Variants in AXIN1 observed in about 807,000 individuals in gnomAD.
AXIN1 encodes the protein axin 1.
In AXIN1, 30 loss-of-function variants were observed where a neutral mutation model predicts 76.4. The ratio of observed to expected loss-of-function variants is 0.39; its 90% CI spans 0.29 to 0.53. The LOEUF is 0.53. Among genes scored for constraint, AXIN1 ranks in the 20% least tolerant of loss-of-function variants. The pLI is 0.66. For synonymous variants in AXIN1, 545 were observed against 501.4 expected (o/e 1.09, Z -1.16); for missense variants, 1,140 against 1,198.8 (o/e 0.95, Z 0.72).
chr16:321,479 T>C (rs534451287), intron 2 of AXIN1, among the ~76,000 whole-genome samples: 9 of 152,390 alleles, frequency 5.9e-5, no homozygotes, highest in Admixed American at 2.0e-4. Flanking sequence ...AAAATAATTA[T>C]AGCCATTTTG....
chr16:314,951 C>T (rs2141595886), intron 2 of AXIN1, among the ~76,000 whole-genome samples: 1 of 152,290 alleles, frequency 6.6e-6, no homozygotes, highest in South Asian at 2.1e-4. Flanking sequence ...CACAGAGCAT[C>T]CACACGTGAT....
chr16:338,450 C>T (rs929874192), intron 2 of AXIN1, among the ~76,000 whole-genome samples: 7 of 152,366 alleles, frequency 4.6e-5, no homozygotes, highest in African/African-American at 1.7e-4. Context: ...ACCCACACAG[C>T]TCAGGACTGA....
At chr16:303,124 A>G (rs1376977963) in intron 5 of AXIN1, among the ~76,000 whole-genome samples, 1 of 152,044 alleles carries the variant, frequency 6.6e-6, no homozygotes, top group Non-Finnish European at 1.5e-5. Flanking sequence ...AGCCTCCCAT[A>G]GTGTTGGGGT....
chr16:300,522 C>T (rs2052841250), intron 5 of AXIN1, among the ~76,000 whole-genome samples: 1 of 152,106 alleles, frequency 6.6e-6, no homozygotes, highest in South Asian at 2.1e-4. Flanking sequence ...TTAATATAAA[C>T]AAACCTCCCA....
At chr16:288,669 G>A (rs1477836928) in intron 10 of AXIN1, among the ~76,000 whole-genome samples, 3 of 152,320 alleles carry the variant, frequency 2.0e-5, no homozygotes, top group Non-Finnish European at 2.9e-5. Flanking sequence ...GGAACCACCC[G>A]CCAGGCTCTG....
Position 297,166 on chromosome 16 carries a change from G to C in AXIN1, c.1845C>G (p.Ala615=). Residue 615 remains alanine, a synonymous_variant, in exon 7 of 11, where the codon GCC becomes GCG. Transcript: ENST00000262320. ...CCGAGGCACCTGGCACCTCGGTGCT[G>C]GCGCTCTTCCCCGACTCAGCCTTCT... ...NAKKAESGKS[A]STEVPGASED... 1 of 1,611,906 alleles carries C rather than the reference G, an allele frequency of 6.2e-7. No individual in the cohort carries two copies. Among genetic ancestry groups the C allele is most frequent in the Non-Finnish European group, 8.5e-7 (1 of 1,179,954 alleles).
chr16:320,743 A>ATATATTTTTTTTT (rs397722732), intron 2 of AXIN1, among the ~76,000 whole-genome samples: 34 of 107,624 alleles, frequency 3.2e-4, no homozygotes, highest in African/African-American at 1.4e-3. Flanking sequence ...ATATATATAT[A>ATATATTTTTTTTT]TTTTTTTTTT....
chr16:320,796 G>A (rs369150744), intron 2 of AXIN1, among the ~76,000 whole-genome samples: 139 of 70,058 alleles, frequency 2.0e-3, no homozygotes, highest in South Asian at 0.019. Flanking sequence ...CTGGAGTGCA[G>A]TGGCGCGATC....
chr16:346,752 G>C lies in AXIN1; in HGVS notation c.274C>G (p.Leu92Val), dbSNP rs2141706547. The C allele has an allele frequency of 6.2e-7, 1 of 1,603,590 alleles. No homozygotes were observed. The highest frequency in any genetic ancestry group is 8.5e-7 in the Non-Finnish European group (1 of 1,172,806). Residue 92 changes from leucine to valine, a missense_variant, in exon 2 of 11, where the codon CTG (leucine) becomes GTG (valine). Leu to Val is a conservative substitution (Grantham distance 32, BLOSUM62 1). Transcript: ENST00000262320. The part of the protein sequence containing the change: ...YLKWAESLHS[L>V]LDDQDGISLF... ...CTTATCCCATCTTGGTCATCCAGCA[G>C]GGAATGCAGTGACTCAGCCCACTTC...
At position 290,653 on chromosome 16, in the gene AXIN1, T is replaced by C. The variant is rs2052530228; in HGVS notation, c.2294+537A>G. On this transcript the variant is annotated intron_variant, in intron 9 of 10. Transcript: ENST00000262320. ...ATAAAGGCGCCGTCGACACGGCCCATGTGGGATCACATGGTCTGAGCCCTT... is the reference window on the plus strand; with the variant it reads ...ATAAAGGCGCCGTCGACACGGCCCACGTGGGATCACATGGTCTGAGCCCTT... The C allele has an allele frequency of 1.4e-5, 3 of 208,864 alleles. No individual in the cohort carries two copies. In the South Asian group the frequency reaches 2.4e-4, roughly 17 times the overall value. The allele number at this position is 208,864 out of a possible 1,614,324, so 12.9% of individuals were successfully genotyped here. A position where few individuals can be genotyped will look rare whatever the true frequency, so the allele number is the denominator to read the frequency against.
intron 2 of AXIN1, among the ~76,000 whole-genome samples, chr16:315,046 C>T (rs529080149): frequency 6.6e-6 from 1 of 152,314 alleles, no homozygotes; most frequent in East Asian, 1.9e-4. Context: ...GGAGAGGACA[C>T]TGGGTTTTGA....
intron 2 of AXIN1, among the ~76,000 whole-genome samples, chr16:317,208 A>G (rs1179152702): frequency 6.6e-6 from 1 of 152,184 alleles, no homozygotes; most frequent in African/African-American, 2.4e-5. Context: ...GACTCTGGTG[A>G]CATGGGATGC....
intron 9 of AXIN1, 132 bp downstream of exon 9, chr16:291,058 T>G: frequency 7.1e-6 from 6 of 844,622 alleles, no homozygotes; most frequent in Admixed American, 6.0e-5. Context: ...CACGGGACCC[T>G]CTCCTGCCAC....
In AXIN1 at chr16:287,805, G is replaced by A. The variant is rs998416540; in HGVS notation, c.*317C>T. The A allele has an allele frequency of 2.5e-5, 12 of 486,600 alleles. No individual in the cohort carries two copies. The Admixed American group carries it at 3.0e-4, about 12-fold the overall frequency. The allele number at this position is 486,600 out of a possible 1,614,324, so 30.1% of individuals were successfully genotyped here. On this transcript the variant is annotated 3_prime_UTR_variant, in exon 11 of 11. Transcript: ENST00000262320. ...AGGGAAAGTAGATCCCAGCACACGT[G>A]CCCAAGGGAGGTGCCGGGGGATGGG...
At chr16:339,196 CAAAAAAAAAA>C (rs1002630324) in intron 2 of AXIN1, among the ~76,000 whole-genome samples, 4 of 34,672 alleles carry the variant, frequency 1.2e-4, no homozygotes, top group South Asian at 2.4e-3. Context: ...AGCCTGGTCT[CAAAAAAAAAA>C]AAAAAAAAAA....
chr16:308,489 G>A (rs750336139), intron 4 of AXIN1, among the ~76,000 whole-genome samples: 142 of 152,182 alleles, frequency 9.3e-4, no homozygotes, highest in Non-Finnish European at 1.8e-3. Context: ...GAAGCCTCCC[G>A]CGGGCCTCAG....
In AXIN1 at chr16:316,231, G is replaced by C. The variant is rs557116267; in HGVS notation, c.879-1548C>G. ...TGAAATGTGTGTATACAAAATCTAGGCCAGTCCAGCAGAGCCTAAAGGTAA... is the reference window on the plus strand; with the variant it reads ...TGAAATGTGTGTATACAAAATCTAGCCCAGTCCAGCAGAGCCTAAAGGTAA... On this transcript the variant is annotated intron_variant, in intron 2 of 10. Coordinates refer to ENST00000262320, the MANE Select transcript of AXIN1 (RefSeq NM_003502.4). 2.2e-4 allele frequency among the ~76,000 whole-genome samples: 34 copies of C among 151,664 alleles called. No individual in the cohort carries two copies. In the South Asian group the frequency reaches 7.1e-3, roughly 32 times the overall value.
rs2052422550 is a variant in AXIN1 at position 287,790 on chromosome 16, G to C, written c.*332C>G. 4.3e-6 allele frequency: 2 copies of C among 462,144 alleles called. No homozygotes were observed. The highest frequency in any genetic ancestry group is 7.7e-5 in the East Asian group (2 of 26,094). The allele number at this position is 462,144 out of a possible 1,614,324, so 28.6% of individuals were successfully genotyped here. A position where few individuals can be genotyped will look rare whatever the true frequency, so the allele number is the denominator to read the frequency against. ...GTGGGCAAATCCCAGAGGGAAAGTAGATCCCAGCACACGTGCCCAAGGGAG... is the reference window on the plus strand; with the variant it reads ...GTGGGCAAATCCCAGAGGGAAAGTACATCCCAGCACACGTGCCCAAGGGAG... On this transcript the variant is annotated 3_prime_UTR_variant, in exon 11 of 11. Transcript: ENST00000262320.
chr16:300,140 C>T (rs973845301), intron 5 of AXIN1, among the ~76,000 whole-genome samples: 2 of 152,084 alleles, frequency 1.3e-5, no homozygotes, highest in African/African-American at 2.4e-5. Context: ...CTGGGTTTCA[C>T]CCTGTTTGCC....
Sources: gnomAD v4.1 joint callset for allele counts (sites outside exome capture counted in the v4.1 genomes callset) on GRCh38, gnomAD v4.1.1 for gene constraint, MANE v1.5 for transcripts, NCBI Gene and HGNC (gene_info 2026-07-23, HGNC 2026-07-21) for gene names.